COLEC11: variants seen among roughly 807,000 people sequenced by gnomAD.
COLEC11 encodes the protein collectin-11.
A neutral mutation model predicts 27.3 loss-of-function variants in COLEC11; 20 were observed. The ratio of observed to expected loss-of-function variants is 0.73; its 90% CI spans 0.51 to 1.06. COLEC11 has a LOEUF of 1.06. COLEC11 is among the 50% of genes least tolerant of loss of function. The probability of loss-of-function intolerance (pLI) is 0.00; values close to 1 mark genes in which losing one functional copy is unlikely to be tolerated. For missense variants in COLEC11, 310 were observed against 383.0 expected (o/e 0.81, Z 1.59); for synonymous variants, 163 against 154.7 (o/e 1.05, Z -0.40).
At position 3,639,683 on chromosome 2, in the gene COLEC11, G is replaced by A. The variant is rs1009343931; in HGVS notation, c.275-595G>A. On this transcript the variant is annotated intron_variant, in intron 4 of 6. Coordinates refer to ENST00000349077, the MANE Select transcript of COLEC11 (RefSeq NM_024027.5). ...TTTGTTCAACCCCCTTGTTTTGGAC[G>A]TTGAGGAGAACTGAGGGGCAGGGTG... 3.9e-5 allele frequency among the ~76,000 whole-genome samples: 6 copies of A among 152,346 alleles called. 1 individual carries two copies. The highest frequency in any genetic ancestry group is 4.8e-5 in the African/African-American group (2 of 41,590).
At chr2:3,642,445 T>C (rs937875070) in intron 5 of COLEC11, among the ~76,000 whole-genome samples, 1 of 152,162 alleles carries the variant, frequency 6.6e-6, no homozygotes, top group African/African-American at 2.4e-5. Context: ...GTCCCACCCA[T>C]GTCCCTCTCA....
At chr2:3,619,481 C>T (rs1664025158) in intron 3 of COLEC11, among the ~76,000 whole-genome samples, 1 of 152,136 alleles carries the variant, frequency 6.6e-6, no homozygotes, top group Non-Finnish European at 1.5e-5. Context: ...TATCATGAAA[C>T]AACACTGAGT....
Position 3,641,252 on chromosome 2 carries a change from C to G in COLEC11, c.328+921C>G, listed in dbSNP as rs979545828. On this transcript the variant is annotated intron_variant, in intron 5 of 6. Transcript: ENST00000349077. ...CTTGTTTTAAAAGCTCCTTCGGCAC[C>G]GCAGAGATGAGGAGGAACGGCTGCT... The G allele has an allele frequency of 3.1e-6, 4 of 1,304,190 alleles. No individual in the cohort carries two copies. The African/African-American group carries it at 4.6e-5, about 15-fold the overall frequency. The allele number at this position is 1,304,190 out of a possible 1,614,324, so 80.8% of individuals were successfully genotyped here.
intron 3 of COLEC11, chr2:3,617,829 T>G: frequency 1.5e-6 from 1 of 659,982 alleles, no homozygotes; most frequent in Non-Finnish European, 2.7e-6. Flanking sequence ...AGGGCTCGCC[T>G]TTCTCCACAT....
intron 3 of COLEC11, among the ~76,000 whole-genome samples, chr2:3,613,980 C>CTTTTTTTTTT (rs57071680): frequency 7.6e-6 from 1 of 131,130 alleles, no homozygotes; most frequent in African/African-American, 2.9e-5. Flanking sequence ...TTCTTTCTTT[C>CTTTTTTTTTT]TTTTTTTTTT....
At chr2:3,603,868 G>C in intron 1 of COLEC11, 1 of 601,578 alleles carries the variant, frequency 1.7e-6, no homozygotes. Flanking sequence ...GAATGGAGCC[G>C]CTAAGCTTGG....
chr2:3,641,518 G>A lies in COLEC11; in HGVS notation c.328+1187G>A, dbSNP rs570231936. 2.6e-5 allele frequency: 25 copies of A among 960,022 alleles called. No homozygotes were observed. The African/African-American group carries it at 3.8e-4, about 15-fold the overall frequency. 59.5% of individuals were successfully genotyped at this position (960,022 alleles called of 1,614,324 possible). A position where few individuals can be genotyped will look rare whatever the true frequency, so the allele number is the denominator to read the frequency against. ...AGGCCTAGCTTGGTCAGAGTTTGGA[G>A]GTTAAATGAGGAAAGGAATCCATCC... On this transcript the variant is annotated intron_variant, in intron 5 of 6. Coordinates refer to ENST00000349077, the MANE Select transcript of COLEC11 (RefSeq NM_024027.5).
chr2:3,632,854 C>T (rs1572458422), intron 3 of COLEC11, among the ~76,000 whole-genome samples: 1 of 152,136 alleles, frequency 6.6e-6, no homozygotes, highest in East Asian at 1.9e-4. Flanking sequence ...GAAAGAAAAC[C>T]AAAGTCCCAG....
chr2:3,626,240 G>T, intron 3 of COLEC11: 1 of 795,704 alleles, frequency 1.3e-6, no homozygotes, highest in Non-Finnish European at 2.2e-6. Flanking sequence ...TGGGAGGGAG[G>T]AATATTGTTA....
intron 3 of COLEC11, among the ~76,000 whole-genome samples, chr2:3,616,867 C>T (rs1027642553): frequency 2.0e-5 from 3 of 152,084 alleles, no homozygotes; most frequent in Non-Finnish European, 2.9e-5. Context: ...TAGCGTAATG[C>T]CCTCCAGGTT....
Position 3,613,917 on chromosome 2 carries a change from TTATA to T in COLEC11, c.202+538_202+541del, listed in dbSNP as rs1663442006. 2.0e-5 allele frequency among the ~76,000 whole-genome samples: 3 copies of T among 152,284 alleles called. No individual in the cohort carries two copies. In the South Asian group the frequency reaches 6.2e-4, roughly 32 times the overall value. On this transcript the variant is annotated intron_variant, in intron 3 of 6. Transcript: ENST00000349077. ...GTTAAATATATGGTGGCTATTATCT[TTATA>T]TACTCCTTGTTACTGCTTAAAATTT... is the stretch of plus-strand genomic sequence containing the variant.
At chr2:3,615,534 C>T (rs1198931081) in intron 3 of COLEC11, among the ~76,000 whole-genome samples, 1 of 152,250 alleles carries the variant, frequency 6.6e-6, no homozygotes, top group Non-Finnish European at 1.5e-5. Context: ...CCCATGTCTA[C>T]TTCTTTCTAC....
intron 2 of COLEC11, among the ~76,000 whole-genome samples, chr2:3,605,479 T>C (rs545772950): frequency 2.6e-5 from 2 of 78,294 alleles, no homozygotes; most frequent in African/African-American, 6.1e-5. Context: ...ACGTGGGTGC[T>C]GAGGAGGGGG....
intron 1 of COLEC11, among the ~76,000 whole-genome samples, chr2:3,601,754 C>A (rs1160551763): frequency 1.3e-5 from 2 of 152,206 alleles, no homozygotes; most frequent in African/African-American, 4.8e-5. Context: ...CTGGCTCCGC[C>A]CTAACTCTAA....
intron 3 of COLEC11, among the ~76,000 whole-genome samples, chr2:3,624,617 C>T (rs755566147): frequency 2.6e-5 from 4 of 152,180 alleles, no homozygotes; most frequent in South Asian, 2.1e-4. Flanking sequence ...TTGCTCAGCT[C>T]ACAGTTGCTC....
chr2:3,619,315 C>A (rs569435851), intron 3 of COLEC11, among the ~76,000 whole-genome samples: 51 of 152,098 alleles, frequency 3.4e-4, no homozygotes, highest in African/African-American at 1.2e-3. Flanking sequence ...ATATTGAATA[C>A]AAGAGGCGAG....
At chr2:3,605,987 C>T (rs1662659574) in intron 2 of COLEC11, 3 of 1,386,936 alleles carry the variant, frequency 2.2e-6, no homozygotes, top group Non-Finnish European at 2.9e-6. Context: ...GATAAATGTA[C>T]CTGCTTTAGA....
At chr2:3,614,567 A>T (rs114585810) in intron 3 of COLEC11, among the ~76,000 whole-genome samples, 3,609 of 151,746 alleles carry the variant, frequency 0.024, 152 homozygotes, top group African/African-American at 0.081. Context: ...TCAGCTTTCC[A>T]TTTATTAAGT....
intron 5 of COLEC11, among the ~76,000 whole-genome samples, chr2:3,642,925 A>G (rs946264975): frequency 6.6e-6 from 1 of 151,256 alleles, no homozygotes; most frequent in Non-Finnish European, 1.5e-5. Context: ...CCCACTCCCC[A>G]CCTGACATGT....
Sources: allele counts gnomAD v4.1 joint callset (sites outside exome capture counted in the v4.1 genomes callset), GRCh38; gene constraint gnomAD v4.1.1; transcripts MANE v1.5; gene names NCBI Gene and HGNC (gene_info 2026-07-23, HGNC 2026-07-21).